Variants in MBNL2 observed in about 807,000 individuals in gnomAD.
MBNL2 encodes the protein muscleblind like splicing regulator 2.
Under a neutral mutation model 41.9 loss-of-function variants are expected in MBNL2, and 17 were observed. The ratio of observed to expected loss-of-function variants is 0.41; its 90% CI spans 0.28 to 0.61. MBNL2 has a LOEUF of 0.61. MBNL2 is among the 20% of genes least tolerant of loss of function. The pLI, the probability that MBNL2 is intolerant of heterozygous loss-of-function variation, is 0.35. For synonymous variants in MBNL2, 195 were observed against 182.9 expected, an observed-to-expected ratio of 1.07 and a Z score of -0.53; for missense variants, 336 against 505.6, an observed-to-expected ratio of 0.66 and a Z score of 3.22.
chr13:97,236,365 C>G (rs2043271363), intron 1 of MBNL2, among the ~76,000 whole-genome samples: 1 of 152,064 alleles, frequency 6.6e-6, no homozygotes, highest in Admixed American at 6.5e-5. Flanking sequence ...TAGGGGCATG[C>G]TTTCCCTTGG....
At chr13:97,208,322 G>A in the MBNL2 span, among the ~76,000 whole-genome samples, 2 of 152,170 alleles carry the variant, frequency 1.3e-5, no homozygotes, top group African/African-American at 4.8e-5. Context: ...GACTTGGACA[G>A]GAATAGTGCC....
intron 1 of MBNL2, among the ~76,000 whole-genome samples, chr13:97,242,709 G>T (rs554880402): frequency 6.6e-6 from 1 of 152,084 alleles, no homozygotes; most frequent in African/African-American, 2.4e-5. Context: ...CGGGGTTGGG[G>T]ATGAGGGTAC....
At chr13:97,360,994 A>G (rs2063346436) in intron 7 of MBNL2, among the ~76,000 whole-genome samples, 3 of 152,240 alleles carry the variant, frequency 2.0e-5, no homozygotes, top group African/African-American at 7.2e-5. Context: ...GTATCTGCAT[A>G]AGCACAACAA....
chr13:97,250,478 C>T (rs2046307595), intron 1 of MBNL2, among the ~76,000 whole-genome samples: 1 of 152,046 alleles, frequency 6.6e-6, no homozygotes, highest in Non-Finnish European at 1.5e-5. Context: ...AGGCATTGAG[C>T]TTACTCAAGA....
chr13:97,218,329 G>A (rs1174647051), upstream of MBNL2, among the ~76,000 whole-genome samples: 1 of 151,710 alleles, frequency 6.6e-6, no homozygotes. Context: ...AGAATGGCGT[G>A]AACCCGGGAG....
chr13:97,381,963 TA>T (rs1181003675), intron 8 of MBNL2, among the ~76,000 whole-genome samples: 5 of 152,150 alleles, frequency 3.3e-5, no homozygotes, highest in Non-Finnish European at 5.9e-5. Context: ...TTTAAAGGTA[TA>T]AAAATGTTTT....
the MBNL2 span, among the ~76,000 whole-genome samples, chr13:97,153,528 G>A: frequency 3.9e-5 from 6 of 152,182 alleles, no homozygotes; most frequent in South Asian, 2.1e-4. Flanking sequence ...AATGAACCTC[G>A]TAGAACAATT....
chr13:97,318,892 G>T (rs1036016564), intron 2 of MBNL2, among the ~76,000 whole-genome samples: 1 of 152,226 alleles, frequency 6.6e-6, no homozygotes, highest in African/African-American at 2.4e-5. Context: ...GAGCCTGGGT[G>T]TGTTGTCTCA....
At chr13:97,374,800 C>G (rs2064807690) in intron 8 of MBNL2, among the ~76,000 whole-genome samples, 1 of 152,074 alleles carries the variant, frequency 6.6e-6, no homozygotes, top group African/African-American at 2.4e-5. Flanking sequence ...TCCATTTCTC[C>G]AATTTTAGGT....
At chr13:97,260,786 A>C (rs1434112453) in intron 1 of MBNL2, among the ~76,000 whole-genome samples, 1 of 152,206 alleles carries the variant, frequency 6.6e-6, no homozygotes, top group African/African-American at 2.4e-5. Context: ...TTTTGCAGCC[A>C]AACTGCCTGT....
chr13:97,353,651 A>C (rs1566436509), intron 5 of MBNL2, among the ~76,000 whole-genome samples: 1 of 152,206 alleles, frequency 6.6e-6, no homozygotes, highest in African/African-American at 2.4e-5. Flanking sequence ...CTTAAAACAT[A>C]ACCATCACCA....
At chr13:97,319,745 A>T (rs1289670775) in intron 2 of MBNL2, among the ~76,000 whole-genome samples, 1 of 152,104 alleles carries the variant, frequency 6.6e-6, no homozygotes, top group Non-Finnish European at 1.5e-5. Flanking sequence ...TTATCCCAAC[A>T]TTTCTCTTTG....
At chr13:97,184,349 A>T in the MBNL2 span, among the ~76,000 whole-genome samples, 29 of 152,206 alleles carry the variant, frequency 1.9e-4, no homozygotes, top group Admixed American at 1.5e-3. Context: ...GAGGACAATA[A>T]CAAAAAAGCT....
chr13:97,244,564 C>G (rs1002263545), intron 1 of MBNL2, among the ~76,000 whole-genome samples: 10 of 152,170 alleles, frequency 6.6e-5, no homozygotes, highest in Non-Finnish European at 1.5e-5. Context: ...CACTTTTGTG[C>G]CTTTGTTTTA....
the MBNL2 span, among the ~76,000 whole-genome samples, chr13:97,211,225 T>G: frequency 6.6e-6 from 1 of 152,174 alleles, no homozygotes; most frequent in Non-Finnish European, 1.5e-5. Flanking sequence ...CTAGGATCCA[T>G]GATTGTAAGC....
chr13:97,327,783 G>A (rs2060032526), intron 2 of MBNL2, among the ~76,000 whole-genome samples: 1 of 152,144 alleles, frequency 6.6e-6, no homozygotes, highest in Admixed American at 6.6e-5. Flanking sequence ...GACAGAATGA[G>A]AATAGCAAAG....
chr13:97,266,177 G>A (rs944021009), intron 1 of MBNL2, among the ~76,000 whole-genome samples: 1 of 152,116 alleles, frequency 6.6e-6, no homozygotes, highest in South Asian at 2.1e-4. Context: ...GGGAGGCGGA[G>A]GTTGCAGTGA....
the MBNL2 span, among the ~76,000 whole-genome samples, chr13:97,188,249 G>A: frequency 1.3e-5 from 2 of 152,032 alleles, no homozygotes; most frequent in African/African-American, 4.8e-5. Flanking sequence ...TCTGCACCGG[G>A]GGCTCGCGAT....
At chr13:97,220,331 G>A (rs139394089), upstream of MBNL2, among the ~76,000 whole-genome samples, 30 of 152,290 alleles carry the variant, frequency 2.0e-4, no homozygotes, top group African/African-American at 5.1e-4. Context: ...GTTTCAAAGC[G>A]TCTGGTACAA....
Sources: allele counts gnomAD v4.1 joint callset (sites outside exome capture counted in the v4.1 genomes callset), GRCh38; gene constraint gnomAD v4.1.1; transcripts MANE v1.5; gene names NCBI Gene and HGNC (gene_info 2026-07-23, HGNC 2026-07-21).